The following FNIP1 variants were observed in gnomAD, a reference collection of about 807,000 sequenced individuals.
The protein encoded by FNIP1 is folliculin interacting protein 1.
A neutral mutation model predicts 124.5 loss-of-function variants in FNIP1; 40 were observed. That is an observed-to-expected ratio of 0.32 (90% CI 0.25 to 0.42). The LOEUF (loss-of-function observed/expected upper bound fraction) is 0.42. Among genes scored for constraint, FNIP1 ranks in the 10% least tolerant of loss-of-function variants. FNIP1 has a pLI of 1.00. For missense variants in FNIP1, 1,176 were observed against 1,403.7 expected (o/e 0.84, Z 2.59); for synonymous variants, 472 against 470.6 (o/e 1.00, Z -0.04).
At chr5:131,663,414 C>G (rs934966183) in intron 15 of FNIP1, among the ~76,000 whole-genome samples, 7 of 152,160 alleles carry the variant, frequency 4.6e-5, no homozygotes, top group African/African-American at 7.2e-5. Context: ...ATATATACAG[C>G]TCCAATTAAT....
At chr5:131,768,578 T>A (rs1215551685) in intron 1 of FNIP1, among the ~76,000 whole-genome samples, 1 of 151,980 alleles carries the variant, frequency 6.6e-6, no homozygotes, top group Non-Finnish European at 1.5e-5. Flanking sequence ...GGGAGGCTGA[T>A]GCGGTTGGAC....
At chr5:131,790,301 A>C (rs2149590344) in intron 1 of FNIP1, among the ~76,000 whole-genome samples, 1 of 152,230 alleles carries the variant, frequency 6.6e-6, no homozygotes, top group East Asian at 1.9e-4. Context: ...CAACGTGGCG[A>C]AACCCCGTGT....
chr5:131,652,577 G>C (rs1767072481), intron 15 of FNIP1, among the ~76,000 whole-genome samples: 1 of 152,122 alleles, frequency 6.6e-6, no homozygotes, highest in African/African-American at 2.4e-5. Context: ...TCCTAACCTT[G>C]TGATCCACCC....
At chr5:131,693,311 T>C (rs868205097) in intron 11 of FNIP1, among the ~76,000 whole-genome samples, 57 of 62,386 alleles carry the variant, frequency 9.1e-4, no homozygotes, top group African/African-American at 2.5e-3. Flanking sequence ...TATATATATA[T>C]ATATACACAT....
chr5:131,672,647 C>T lies in FNIP1; in HGVS notation c.1797G>A (p.Glu599=), dbSNP rs1767798279. 1.1e-5 allele frequency: 17 copies of T among 1,614,214 alleles called. No homozygotes were observed. The highest frequency in any genetic ancestry group is 1.4e-5 in the Non-Finnish European group (16 of 1,180,036). ...AATTGGGAGTTCTAATTTCTTCTGA[C>T]TCTTTAAAGAGCAAACTGCTTTTGT... ...HRNKSSLLFK[E]SEEIRTPNCN... The change falls in exon 14 of 18, where the codon GAG becomes GAA. Residue 599 remains glutamate, a synonymous_variant. Transcript: ENST00000510461.
intron 14 of FNIP1, 102 bp downstream of exon 14, chr5:131,671,403 C>T (rs1580741851): frequency 1.0e-6 from 1 of 972,532 alleles, no homozygotes. Context: ...GAGAGCTATC[C>T]AGAACAATGA....
At chr5:131,711,118 A>G (rs1358355425) in intron 6 of FNIP1, among the ~76,000 whole-genome samples, 1 of 152,250 alleles carries the variant, frequency 6.6e-6, no homozygotes, top group Non-Finnish European at 1.5e-5. Context: ...CTTGGCACAC[A>G]GCATACAACA....
chr5:131,683,423 G>A (rs1001178640), intron 11 of FNIP1, among the ~76,000 whole-genome samples: 13 of 151,894 alleles, frequency 8.6e-5, no homozygotes, highest in African/African-American at 3.1e-4. Context: ...CGTGGTGGTG[G>A]GCACCTGTAG....
intron 1 of FNIP1, among the ~76,000 whole-genome samples, chr5:131,778,897 CA>C (rs1409310834): frequency 3.3e-5 from 4 of 120,228 alleles, no homozygotes; most frequent in Non-Finnish European, 6.9e-5. Flanking sequence ...ATCGCAAGAA[CA>C]AAAAACCAAA....
At chr5:131,699,080 A>T in intron 10 of FNIP1, 78 bp from the exon 11 acceptor site, 1 of 1,103,936 alleles carries the variant, frequency 9.1e-7, no homozygotes, top group Non-Finnish European at 1.3e-6. Context: ...TTTTAGACAG[A>T]GTCACATATT....
In FNIP1 at chr5:131,708,395, C is replaced by T. The variant is rs76823453; in HGVS notation, c.778+806G>A. 6.9e-4 allele frequency among the ~76,000 whole-genome samples: 105 copies of T among 152,274 alleles called. 3 individuals are homozygous for T. The East Asian group carries it at 0.019, about 27-fold the overall frequency. ...TCTCATATCTAACAGTAATTCAAGCCTAAAATTACTCCTCCTTTTACTTAT... is the reference window on the plus strand; with the variant it reads ...TCTCATATCTAACAGTAATTCAAGCTTAAAATTACTCCTCCTTTTACTTAT... On this transcript the variant is annotated intron_variant, in intron 8 of 17. Transcript: ENST00000510461.
rs539394087 is a variant in FNIP1 at position 131,765,482 on chromosome 5, C to T, written c.93-20792G>A. 2.8e-4 allele frequency among the ~76,000 whole-genome samples: 43 copies of T among 152,128 alleles called. 1 individual carries two copies. The South Asian group carries it at 8.7e-3, about 31-fold the overall frequency. On this transcript the variant is annotated intron_variant, in intron 1 of 17. Transcript: ENST00000510461. ...GATATGTTAGAACATGTTTCTTTCT[C>T]CATTAGTACCTACTAGGATGAGTTG...
intron 1 of FNIP1, among the ~76,000 whole-genome samples, chr5:131,756,375 G>A (rs747176384): frequency 1.3e-5 from 2 of 152,138 alleles, no homozygotes; most frequent in Non-Finnish European, 2.9e-5. Flanking sequence ...GGTCACTCAG[G>A]TAGAAGAAGT....
intron 1 of FNIP1, among the ~76,000 whole-genome samples, chr5:131,776,039 T>G (rs1771792052): frequency 6.6e-6 from 1 of 152,230 alleles, no homozygotes; most frequent in Admixed American, 6.5e-5. Context: ...TGCAAAATAA[T>G]GTATGCTATG....
rs1396269340 is a variant in FNIP1, at chr5:131,730,953, C to A, written c.305G>T (p.Ser102Ile). 6.2e-7 allele frequency: 1 copy of A among 1,612,416 alleles called. No individual in the cohort carries two copies. The highest frequency in any genetic ancestry group is 8.5e-7 in the Non-Finnish European group (1 of 1,179,194). ...TATATCAGAAGATGAAGTCACAGAA[C>A]TATCTAAAGAGGAAGAACTGTCTCC... ...PGGDSSSSLD[S>I]SVTSSSDIKD... Residue 102 changes from serine to isoleucine, a missense_variant, in exon 3 of 18, where the codon AGT (serine) becomes ATT (isoleucine). Around this residue, in one of 2 missense-constraint regions of FNIP1, gnomAD observed 1,109 missense variants for 1,288.5 expected, o/e 0.86. Transcript: ENST00000510461.
intron 8 of FNIP1, among the ~76,000 whole-genome samples, chr5:131,706,853 T>G (rs915551120): frequency 6.6e-6 from 1 of 152,226 alleles, no homozygotes; most frequent in African/African-American, 2.4e-5. Flanking sequence ...GACTGTCCCC[T>G]AACTCAGTTG....
chr5:131,682,843 T>A (rs1768137052), intron 11 of FNIP1, among the ~76,000 whole-genome samples: 1 of 152,220 alleles, frequency 6.6e-6, no homozygotes. Flanking sequence ...CCCCTTATTT[T>A]TCCCAGTCTG....
chr5:131,679,634 T>C (rs531807380), intron 11 of FNIP1, among the ~76,000 whole-genome samples: 32 of 152,334 alleles, frequency 2.1e-4, no homozygotes, highest in African/African-American at 7.5e-4. Flanking sequence ...CATCATTTTG[T>C]TGCCTATGCT....
At chr5:131,721,493 AT>A (rs978843306) in intron 3 of FNIP1, among the ~76,000 whole-genome samples, 4 of 142,938 alleles carry the variant, frequency 2.8e-5, no homozygotes, top group African/African-American at 7.9e-5. Flanking sequence ...TCTTCCCACA[AT>A]TTTTTTTTTA....
Sources: allele counts gnomAD v4.1 joint callset (sites outside exome capture counted in the v4.1 genomes callset), GRCh38; gene constraint gnomAD v4.1.1; regional missense constraint gnomAD v4.1.1; transcripts MANE v1.5; gene names NCBI Gene and HGNC (gene_info 2026-07-23, HGNC 2026-07-21).